RBM23: variants seen among roughly 807,000 people sequenced by gnomAD.
RBM23 encodes RNA binding motif protein 23, also known as probable RNA-binding protein 23.
RBM23 carries 53 observed loss-of-function variants against 56.2 expected under a neutral mutation model. The ratio of observed to expected loss-of-function variants is 0.94; its 90% CI spans 0.76 to 1.19. The LOEUF (loss-of-function observed/expected upper bound fraction) is 1.19. Ranked by LOEUF, RBM23 falls within the 50% of genes most tolerant of loss-of-function variation. RBM23 has a pLI of 0.00. For synonymous variants in RBM23, 197 were observed against 198.5 expected, an observed-to-expected ratio of 0.99 and a Z score of 0.06; for missense variants, 642 against 590.3, an observed-to-expected ratio of 1.09 and a Z score of -0.91.
chr14:22,916,358 G>A (rs2043494093), intron 1 of RBM23, among the ~76,000 whole-genome samples: 2 of 151,276 alleles, frequency 1.3e-5, no homozygotes, highest in Admixed American at 6.6e-5. Context: ...TCTAGCTCAA[G>A]CAATCCTCTA....
At chr14:22,910,139 G>A (rs542707223) in intron 2 of RBM23, among the ~76,000 whole-genome samples, 68 of 50,998 alleles carry the variant, frequency 1.3e-3, no homozygotes, top group African/African-American at 3.8e-3. Context: ...GCAGCCTAGT[G>A]AGACTCTGTC....
chr14:22,901,122 T>G lies in RBM23; in HGVS notation c.*608A>C, dbSNP rs1317968401. The stretch of plus-strand genomic sequence containing the variant: ...TGGCAGGACAGATCACTCTGAGGCC[T>G]CCTGGCAGGATAGATCACTTCCATG... On this transcript the variant is annotated 3_prime_UTR_variant, in exon 14 of 14. Transcript: ENST00000359890. 6.5e-6 allele frequency: 1 copy of G among 154,520 alleles called. No individual in the cohort carries two copies. The highest frequency in any genetic ancestry group is 1.4e-5 in the Non-Finnish European group (1 of 69,544). 9.6% of individuals were successfully genotyped at this position (154,520 alleles called of 1,614,324 possible).
In RBM23 at chr14:22,902,046, G is replaced by GGGCGGCGGC. The variant is rs61680322; in HGVS notation, c.1171_1179dup (p.Ala391_Ala393dup). On this transcript the variant is annotated inframe_insertion, in exon 12 of 14. Coordinates refer to ENST00000359890, the MANE Select transcript of RBM23 (RefSeq NM_001077351.2). Reference sequence around the variant, plus strand: ...CCATTCAGTTGCAAGGCAGCAGCCTGGGCGGCGGCGGCAGCAGCAGCAGCA... The same window carrying GGGCGGCGGC: ...CCATTCAGTTGCAAGGCAGCAGCCTGGGCGGCGGCGGCGGCGGCGGCAGCAGCAGCAGCA... 43 of 1,546,564 alleles carry GGGCGGCGGC rather than the reference G, an allele frequency of 2.8e-5. No homozygotes were observed. Among genetic ancestry groups the GGGCGGCGGC allele is most frequent in the Middle Eastern group, 1.7e-4 (1 of 5,846 alleles).
chr14:22,908,278 C>G, intron 4 of RBM23, 55 bp downstream of exon 4: 1 of 1,537,906 alleles, frequency 6.5e-7, no homozygotes, highest in South Asian at 1.2e-5. Context: ...GCCTTGGCTT[C>G]CAAAGTGCTA....
chr14:22,909,415 A>G (rs2042093106), intron 3 of RBM23, 68 bp downstream of exon 3: 1 of 1,296,276 alleles, frequency 7.7e-7, no homozygotes, highest in African/African-American at 1.5e-5. Context: ...TATTCTGGTT[A>G]TTTTTCCAAT....
At chr14:22,906,422 A>G in intron 4 of RBM23, 54 bp from the exon 5 acceptor site, 1 of 1,590,266 alleles carries the variant, frequency 6.3e-7, no homozygotes, top group South Asian at 1.1e-5. Flanking sequence ...GCCAACAACC[A>G]AGTGCATATA....
chr14:22,918,540 A>T (rs1413722463), intron 1 of RBM23, among the ~76,000 whole-genome samples: 1 of 152,230 alleles, frequency 6.6e-6, no homozygotes, highest in Non-Finnish European at 1.5e-5. Context: ...AAAAGCCCAT[A>T]AAGGTCAACA....
In RBM23 at chr14:22,893,561, A is replaced by C. The variant is rs991938215; in HGVS notation, c.*8169T>G. ...GGAAGAAACAGTAAATTTGGAAGAC[A>C]TATTTTAGAAACTGGGCCTTAAAGG... On this transcript the variant is annotated 3_prime_UTR_variant, in exon 14 of 14. Coordinates refer to ENST00000359890, the MANE Select transcript of RBM23 (RefSeq NM_001077351.2). 6.6e-6 allele frequency: 1 copy of C among 152,248 alleles called. No homozygotes were observed. The highest frequency in any genetic ancestry group is 1.5e-5 in the Non-Finnish European group (1 of 68,042). 9.4% of individuals were successfully genotyped at this position (152,248 alleles called of 1,614,324 possible).
In RBM23 at chr14:22,906,191, A is replaced by G; in HGVS notation, c.401+4T>C. 6.2e-7 allele frequency: 1 copy of G among 1,613,888 alleles called. No individual in the cohort carries two copies. Among genetic ancestry groups the G allele is most frequent in the South Asian group, 1.1e-5 (1 of 91,076 alleles). On this transcript the variant is annotated splice_donor_region_variant and intron_variant, in intron 5 of 13. Transcript: ENST00000359890. ...AAAGTGAATCTATTAGCAAAAAGTG[A>G]TACCCAGTGGCAAGTGGAGGACTCC...
At chr14:22,904,479 A>G (rs1186841316) in intron 9 of RBM23, among the ~76,000 whole-genome samples, 153 bp from the exon 10 acceptor site, 1 of 151,388 alleles carries the variant, frequency 6.6e-6, no homozygotes, top group Non-Finnish European at 1.5e-5. Flanking sequence ...TTGTCTCGGA[A>G]AAAAAAAGAT....
At chr14:22,910,694 C>A (rs960780861) in intron 2 of RBM23, among the ~76,000 whole-genome samples, 2 of 151,800 alleles carry the variant, frequency 1.3e-5, no homozygotes, top group South Asian at 2.1e-4. Flanking sequence ...CATAGCAAGA[C>A]CCTGTCTCTA....
intron 9 of RBM23, among the ~76,000 whole-genome samples, 168 bp from the exon 10 acceptor site, chr14:22,904,494 C>T (rs2041184601): frequency 6.7e-6 from 1 of 149,562 alleles, no homozygotes; most frequent in Non-Finnish European, 1.5e-5. Context: ...AAAGATTAGT[C>T]AGTAGAAATA....
In RBM23 at chr14:22,906,198, G is replaced by C. The variant is rs2041516184; in HGVS notation, c.398C>G (p.Thr133Ser). ...RVHYRSPPLATGYRYGHSKSP... is the reference protein window; with the variant it reads ...RVHYRSPPLASGYRYGHSKSP... The stretch of plus-strand genomic sequence containing the variant: ...ATCTATTAGCAAAAAGTGATACCCA[G>C]TGGCAAGTGGAGGACTCCTGTAATG... The change falls in exon 5 of 14, where the codon ACT becomes AGT. Residue 133 changes from threonine (T) to serine (S), a missense_variant. Transcript: ENST00000359890. The C allele has an allele frequency of 1.9e-6, 3 of 1,614,040 alleles. No individual in the cohort carries two copies. The highest frequency in any genetic ancestry group is 1.7e-6 in the Non-Finnish European group (2 of 1,179,892).
chr14:22,895,772 C>G lies in RBM23; in HGVS notation c.*5958G>C, dbSNP rs2040238639. ...CATGGGCAACAGAGCCAGACCCTGT[C>G]TCAAAACAAAACAAAACTGAGTGCC... On this transcript the variant is annotated 3_prime_UTR_variant, in exon 14 of 14. Coordinates refer to ENST00000359890, the MANE Select transcript of RBM23 (RefSeq NM_001077351.2). 6.6e-6 allele frequency: 1 copy of G among 152,356 alleles called. No individual in the cohort carries two copies. The highest frequency in any genetic ancestry group is 2.4e-5 in the African/African-American group (1 of 41,444). The allele number at this position is 152,356 out of a possible 1,614,324, so 9.4% of individuals were successfully genotyped here. A position where few individuals can be genotyped will look rare whatever the true frequency, so the allele number is the denominator to read the frequency against.
rs1566542445 is a variant in RBM23, at chr14:22,904,897, C to T, written c.842G>A (p.Gly281Asp). 6.2e-7 allele frequency: 1 copy of T among 1,614,194 alleles called. No homozygotes were observed. The highest frequency in any genetic ancestry group is 1.1e-5 in the South Asian group (1 of 91,084). ...HFNITEDMLR[G>D]IFEPFGKIDN... ...CACTTTACCAAAGGGCTCAAAGATG[C>T]CCCGGAGCATGTCTTCAGTGATATT... The change falls in exon 9 of 14, where the codon GGC becomes GAC. Residue 281 changes from glycine (G) to aspartate (D), a missense_variant. By Grantham distance (94) the Gly-to-Asp change is moderately conservative. Coordinates refer to ENST00000359890, the MANE Select transcript of RBM23 (RefSeq NM_001077351.2).
At position 22,897,607 on chromosome 14, in the gene RBM23, AC is replaced by A. The variant is rs2040268072; in HGVS notation, c.*4122del. 1 of 152,212 alleles carries A rather than the reference AC, an allele frequency of 6.6e-6. No individual in the cohort carries two copies. Among genetic ancestry groups the A allele is most frequent in the South Asian group, 2.1e-4 (1 of 4,824 alleles). The allele number at this position is 152,212 out of a possible 1,614,324, so 9.4% of individuals were successfully genotyped here. On this transcript the variant is annotated 3_prime_UTR_variant, in exon 14 of 14. Transcript: ENST00000359890. ...AGCAGAAAGAGCACCTTCAAGGTTC[AC>A]CCACAAACACTGTCACTCAAGATAA... is the stretch of plus-strand genomic sequence containing the variant.
intron 10 of RBM23, chr14:22,903,588 G>T (rs886897669): frequency 1.0e-6 from 1 of 989,476 alleles, no homozygotes; most frequent in African/African-American, 1.7e-5. Flanking sequence ...ACAACCTACT[G>T]CCCTCTGCCC....
intron 1 of RBM23, among the ~76,000 whole-genome samples, chr14:22,916,556 G>A (rs1310429759): frequency 6.6e-6 from 1 of 151,062 alleles, no homozygotes; most frequent in Admixed American, 6.6e-5. Flanking sequence ...GATTACATCT[G>A]GCCAGAGGAG....
intron 10 of RBM23, 190 bp from the exon 11 acceptor site, chr14:22,902,572 G>C: frequency 7.7e-7 from 1 of 1,300,290 alleles, no homozygotes; most frequent in Non-Finnish European, 9.8e-7. Flanking sequence ...CTTTTCCAAT[G>C]GACTCAATGG....
Sources: allele counts gnomAD v4.1 joint callset (sites outside exome capture counted in the v4.1 genomes callset), GRCh38; gene constraint gnomAD v4.1.1; transcripts MANE v1.5; gene names NCBI Gene and HGNC (gene_info 2026-07-23, HGNC 2026-07-21).